The following MCPH1 variants were observed in gnomAD, a reference collection of about 807,000 sequenced individuals.
The protein encoded by MCPH1 is microcephalin.
A neutral mutation model predicts 84.5 loss-of-function variants in MCPH1; 104 were observed. The observed-to-expected ratio is 1.23, with a 90% CI of 1.05 to 1.45. MCPH1 has a LOEUF of 1.45. Among genes scored for constraint, MCPH1 ranks in the 40% most tolerant of loss-of-function variants. The pLI is 0.00. For synonymous variants in MCPH1, 514 were observed against 366.8 expected, an observed-to-expected ratio of 1.40 and a Z score of -4.58; for missense variants, 1,498 against 1,005.7, an observed-to-expected ratio of 1.49 and a Z score of -6.62.
chr8:6,543,606 T>C (rs1822000526), intron 12 of MCPH1, among the ~76,000 whole-genome samples: 1 of 152,192 alleles, frequency 6.6e-6, no homozygotes, highest in Admixed American at 6.5e-5. Context: ...TGTTCTTTCC[T>C]CTTTGATTTT....
intron 12 of MCPH1, among the ~76,000 whole-genome samples, chr8:6,587,980 C>T (rs578146267): frequency 8.5e-5 from 13 of 152,330 alleles, no homozygotes; most frequent in South Asian, 6.2e-4. Context: ...CTCAACCTGA[C>T]GCATCTCTCA....
chr8:6,627,089 A>G, intron 13 of MCPH1: 3 of 985,372 alleles, frequency 3.0e-6, no homozygotes, highest in Non-Finnish European at 3.6e-6. Context: ...AAGATCCGAT[A>G]GCATGCAGGC....
At chr8:6,567,423 C>T (rs1179981876) in intron 12 of MCPH1, among the ~76,000 whole-genome samples, 1 of 152,222 alleles carries the variant, frequency 6.6e-6, no homozygotes, top group Non-Finnish European at 1.5e-5. Context: ...CAGGGGAGGA[C>T]TGGTGCCTCG....
At chr8:6,598,572 C>T (rs1829106165) in intron 12 of MCPH1, among the ~76,000 whole-genome samples, 1 of 152,228 alleles carries the variant, frequency 6.6e-6, no homozygotes, top group Non-Finnish European at 1.5e-5. Context: ...CGGGGCAAAG[C>T]AGGCTTTCTT....
chr8:6,520,171 C>T (rs992249280), intron 12 of MCPH1, among the ~76,000 whole-genome samples: 1 of 152,056 alleles, frequency 6.6e-6, no homozygotes, highest in African/African-American at 2.4e-5. Flanking sequence ...CTTCTTAATT[C>T]TCAAAAGATT....
rs529411494 is a variant in MCPH1 at position 6,470,353 on chromosome 8, C to T, written c.1936-7241C>T. 2.3e-3 allele frequency among the ~76,000 whole-genome samples: 351 copies of T among 152,110 alleles called. 2 individuals carry two copies. Among genetic ancestry groups the T allele is most frequent in the African/African-American group, 8.1e-3 (335 of 41,486 alleles). On this transcript the variant is annotated intron_variant, in intron 9 of 13. Transcript: ENST00000344683. ...GGCTGGAGTGCAGTGGCGCGATCTC[C>T]GCTCACTGCAACTTCCGTCTCCCGG...
At chr8:6,409,038 C>A (rs909074438) in intron 1 of MCPH1, among the ~76,000 whole-genome samples, 2 of 152,076 alleles carry the variant, frequency 1.3e-5, no homozygotes, top group Non-Finnish European at 2.9e-5. Flanking sequence ...GTGCCCGCCA[C>A]CATGCTCGGC....
intron 13 of MCPH1, among the ~76,000 whole-genome samples, chr8:6,632,811 A>T (rs1056435118): frequency 1.1e-4 from 17 of 149,028 alleles, no homozygotes; most frequent in African/African-American, 3.4e-4. Context: ...TCTGTCTAAG[A>T]AGAAGAAAAG....
At position 6,440,327 on chromosome 8, in the gene MCPH1, T is replaced by C. The variant is rs546411663; in HGVS notation, c.580+1231T>C. 3.9e-5 allele frequency among the ~76,000 whole-genome samples: 6 copies of C among 152,346 alleles called. No individual in the cohort carries two copies. In the East Asian group the frequency reaches 7.7e-4, roughly 20 times the overall value. Reference sequence around the variant, plus strand: ...ACTTTTTACTGTTATAACCCCTGCATGTGCCTACGTGAATCCTTGTATTTC... The same window carrying C: ...ACTTTTTACTGTTATAACCCCTGCACGTGCCTACGTGAATCCTTGTATTTC... On this transcript the variant is annotated intron_variant, in intron 6 of 13. Transcript: ENST00000344683.
intron 11 of MCPH1, among the ~76,000 whole-genome samples, chr8:6,482,882 TG>T (rs1284110202): frequency 6.6e-6 from 1 of 152,174 alleles, no homozygotes; most frequent in Non-Finnish European, 1.5e-5. Flanking sequence ...GGGAAGAACC[TG>T]GGGCACTCAG....
At chr8:6,430,699 G>T (rs2440425) in intron 3 of MCPH1, among the ~76,000 whole-genome samples, 1 of 152,148 alleles carries the variant, frequency 6.6e-6, no homozygotes, top group South Asian at 2.1e-4. Context: ...GGAGAGGTGA[G>T]TAGAGGCCTT....
At chr8:6,605,909 C>A (rs1333947767) in intron 12 of MCPH1, among the ~76,000 whole-genome samples, 2 of 152,170 alleles carry the variant, frequency 1.3e-5, no homozygotes, top group African/African-American at 2.4e-5. Flanking sequence ...GTTGGCCAGG[C>A]TGGTCTCGAA....
Position 6,480,113 on chromosome 8 carries a change from CTTTTTTCT to C in MCPH1, c.1974-586_1974-579del, listed in dbSNP as rs1391035989. Among the ~76,000 whole-genome samples, 5 of 149,836 alleles carry C rather than the reference CTTTTTTCT, an allele frequency of 3.3e-5. No individual in the cohort carries two copies. The East Asian group carries it at 6.0e-4, about 18-fold the overall frequency. ...TGTCAGGGGCCTGGTTCCTTTTTTT[CTTTTTTCT>C]TTTTTTCTTTTTTTTTTTTTGAGAC... On this transcript the variant is annotated intron_variant, in intron 10 of 13. Coordinates refer to ENST00000344683, the MANE Select transcript of MCPH1 (RefSeq NM_024596.5).
In MCPH1 at chr8:6,609,819, G is replaced by GCCCCCCCCCCCCCCCCCCCCCC. The variant is rs11280683; in HGVS notation, c.2215-11625_2215-11624insCCCCCCCCCCCCCCCCCCCCCC. Among the ~76,000 whole-genome samples the GCCCCCCCCCCCCCCCCCCCCCC allele has an allele frequency of 6.7e-5, 7 of 104,022 alleles. 3 individuals carry two copies. The highest frequency in any genetic ancestry group is 9.0e-4 in the South Asian group (2 of 2,234). The allele number at this position is 104,022 out of a possible 152,430, so 68.2% of individuals were successfully genotyped here. A position where few individuals can be genotyped will look rare whatever the true frequency, so the allele number is the denominator to read the frequency against. ...TCTCATTATCAAAGCAATGCCCCCC[G>GCCCCCCCCCCCCCCCCCCCCCC]CCCCCCCCCCACACACAGACTGCCA... On this transcript the variant is annotated intron_variant, in intron 12 of 13. Coordinates refer to ENST00000344683, the MANE Select transcript of MCPH1 (RefSeq NM_024596.5).
At chr8:6,591,191 C>G (rs2515535) in intron 12 of MCPH1, among the ~76,000 whole-genome samples, 1 of 152,270 alleles carries the variant, frequency 6.6e-6, no homozygotes. Flanking sequence ...GCCACCACGA[C>G]CGGCCAAGGC....
At chr8:6,635,177 A>G (rs888959561) in intron 13 of MCPH1, 1 of 152,212 alleles carries the variant, frequency 6.6e-6, no homozygotes, top group African/African-American at 2.4e-5. Context: ...CATTAATGTC[A>G]TTTTTAACAT....
intron 12 of MCPH1, among the ~76,000 whole-genome samples, chr8:6,555,241 T>C (rs1824385396): frequency 6.6e-6 from 1 of 152,148 alleles, no homozygotes; most frequent in Non-Finnish European, 1.5e-5. Context: ...ACAATAACAA[T>C]CAAACCGTTT....
chr8:6,471,490 G>A (rs1807705786), intron 9 of MCPH1, among the ~76,000 whole-genome samples: 1 of 152,164 alleles, frequency 6.6e-6, no homozygotes, highest in Admixed American at 6.5e-5. Flanking sequence ...GTTTATAAAA[G>A]CACAGTCGAC....
At chr8:6,418,359 C>T (rs1333255563) in intron 3 of MCPH1, among the ~76,000 whole-genome samples, 2 of 152,120 alleles carry the variant, frequency 1.3e-5, no homozygotes, top group East Asian at 3.8e-4. Context: ...TCTTTTATTT[C>T]CCTCCAGCTT....
Sources: allele counts gnomAD v4.1 joint callset (sites outside exome capture counted in the v4.1 genomes callset), GRCh38; gene constraint gnomAD v4.1.1; transcripts MANE v1.5; gene names NCBI Gene and HGNC (gene_info 2026-07-23, HGNC 2026-07-21).